The following LARS2 variants were observed in gnomAD, a reference collection of about 807,000 sequenced individuals.
The protein encoded by LARS2 is leucine--tRNA ligase, mitochondrial.
In LARS2, 81 loss-of-function variants were observed where a neutral mutation model predicts 116.6. The ratio of observed to expected loss-of-function variants is 0.69; its 90% CI spans 0.58 to 0.84. The LOEUF (loss-of-function observed/expected upper bound fraction) is 0.84. Ranked by LOEUF, LARS2 falls within the 40% of genes least tolerant of loss-of-function variation. The probability of loss-of-function intolerance (pLI) is 0.00; values close to 1 mark genes in which losing one functional copy is unlikely to be tolerated. For synonymous variants in LARS2, 396 were observed against 407.2 expected, an observed-to-expected ratio of 0.97 and a Z score of 0.33; for missense variants, 968 against 1,114.5, an observed-to-expected ratio of 0.87 and a Z score of 1.87.
intron 8 of LARS2, among the ~76,000 whole-genome samples, chr3:45,464,002 G>A (rs958625606): frequency 6.6e-5 from 10 of 152,278 alleles, no homozygotes; most frequent in African/African-American, 2.2e-4. Flanking sequence ...TAAGTAGGAT[G>A]AACTTCTGCT....
chr3:45,455,136 T>TTTTTTTTTTTTC, intron 7 of LARS2, among the ~76,000 whole-genome samples: 1 of 152,030 alleles, frequency 6.6e-6, no homozygotes. Flanking sequence ...TTTTTTTTTT[T>TTTTTTTTTTTTC]TTTGTCTTTC....
intron 6 of LARS2, among the ~76,000 whole-genome samples, chr3:45,446,179 G>A (rs974821028): frequency 3.3e-5 from 5 of 152,180 alleles, no homozygotes; most frequent in Non-Finnish European, 4.4e-5. Flanking sequence ...GAAAAGAAAC[G>A]TGACAGTATA....
chr3:45,528,075 G>A (rs1416885323), intron 20 of LARS2, among the ~76,000 whole-genome samples: 2 of 152,160 alleles, frequency 1.3e-5, no homozygotes, highest in East Asian at 1.9e-4. Context: ...AGTGGCTCAC[G>A]CTTGTAATCC....
At position 45,469,160 on chromosome 3, in the gene LARS2, A is replaced by C. The variant is rs146371633; in HGVS notation, c.751-5083A>C. Among the ~76,000 whole-genome samples, 479 of 152,330 alleles carry C rather than the reference A, an allele frequency of 3.1e-3. 1 individual carries two copies. The highest frequency in any genetic ancestry group is 0.011 in the African/African-American group (459 of 41,576). ...ATTGGAATTGAGATTCTTGGATAGC[A>C]CAGTGGTATTTGCAAATAAATGTTT... On this transcript the variant is annotated intron_variant, in intron 8 of 21. Transcript: ENST00000645846.
chr3:45,493,192 C>T (rs1052194819), intron 13 of LARS2, among the ~76,000 whole-genome samples: 6 of 152,072 alleles, frequency 3.9e-5, no homozygotes, highest in Non-Finnish European at 7.3e-5. Context: ...CTCCACCTCC[C>T]GCGTTCACAC....
At chr3:45,462,758 G>A (rs577578515) in intron 8 of LARS2, among the ~76,000 whole-genome samples, 1 of 152,302 alleles carries the variant, frequency 6.6e-6, no homozygotes, top group African/African-American at 2.4e-5. Context: ...TATGACTGTG[G>A]TCTTCTTGGG....
intron 7 of LARS2, among the ~76,000 whole-genome samples, chr3:45,451,548 T>C (rs551232757): frequency 4.6e-5 from 7 of 152,284 alleles, no homozygotes; most frequent in Admixed American, 4.6e-4. Flanking sequence ...CTCTGTTTCA[T>C]TTCATTGGTC....
At chr3:45,534,066 G>T (rs926934906) in intron 20 of LARS2, among the ~76,000 whole-genome samples, 2 of 152,220 alleles carry the variant, frequency 1.3e-5, no homozygotes, top group Non-Finnish European at 2.9e-5. Context: ...TGGACATTGT[G>T]TTCATTTCAG....
intron 10 of LARS2, among the ~76,000 whole-genome samples, chr3:45,483,660 A>G (rs1432776884): frequency 4.6e-5 from 7 of 152,158 alleles, no homozygotes; most frequent in Admixed American, 4.6e-4. Flanking sequence ...AAAAAAAAGA[A>G]AAGAAAAGAT....
intron 4 of LARS2, among the ~76,000 whole-genome samples, chr3:45,406,951 C>T (rs970599289): frequency 9.2e-5 from 14 of 152,112 alleles, no homozygotes; most frequent in Non-Finnish European, 1.8e-4. Flanking sequence ...TAAAATTCCC[C>T]ACCTCCCACC....
intron 10 of LARS2, among the ~76,000 whole-genome samples, chr3:45,485,296 C>G (rs1309117665): frequency 6.6e-6 from 1 of 152,180 alleles, no homozygotes; most frequent in Non-Finnish European, 1.5e-5. Context: ...TACTCCCTCT[C>G]CACTTCCATC....
At chr3:45,413,532 T>C (rs1698368139) in intron 4 of LARS2, among the ~76,000 whole-genome samples, 1 of 152,204 alleles carries the variant, frequency 6.6e-6, no homozygotes, top group Non-Finnish European at 1.5e-5. Flanking sequence ...CAGGCTCCAC[T>C]GATAGTAAAC....
At chr3:45,517,821 GT>G in intron 17 of LARS2, 81 bp from the exon 18 acceptor site, 2 of 1,155,660 alleles carry the variant, frequency 1.7e-6, no homozygotes, top group East Asian at 2.4e-5. Context: ...ATTCACAGGT[GT>G]TTTTCTCTGC....
intron 15 of LARS2, among the ~76,000 whole-genome samples, chr3:45,503,970 T>C (rs1342608394): frequency 1.3e-5 from 2 of 152,096 alleles, no homozygotes; most frequent in South Asian, 2.1e-4. Flanking sequence ...TGTGTTTTTA[T>C]TGATATAGTC....
At chr3:45,508,838 T>TC (rs1391129398) in intron 15 of LARS2, among the ~76,000 whole-genome samples, 4 of 151,778 alleles carry the variant, frequency 2.6e-5, no homozygotes, top group Non-Finnish European at 5.9e-5. Context: ...CTCCCTTCCT[T>TC]CCCTCCCTTC....
chr3:45,398,893 A>T (rs960542826), intron 3 of LARS2, among the ~76,000 whole-genome samples: 2 of 152,224 alleles, frequency 1.3e-5, no homozygotes, highest in African/African-American at 4.8e-5. Context: ...CCCCAGTAGG[A>T]GTTAATTCAA....
At position 45,457,416 on chromosome 3, in the gene LARS2, C is replaced by A. The variant is rs753991164; in HGVS notation, c.607-1327C>A. Among the ~76,000 whole-genome samples, 4 of 152,176 alleles carry A rather than the reference C, an allele frequency of 2.6e-5. No homozygotes were observed. In the South Asian group the frequency reaches 8.3e-4, roughly 32 times the overall value. Reference sequence around the variant, plus strand: ...TTTTACGGCTAGGCCTGGTGGCTCACGCCTGTAATCCCAATACTTTGGGAG... The same window carrying A: ...TTTTACGGCTAGGCCTGGTGGCTCAAGCCTGTAATCCCAATACTTTGGGAG... On this transcript the variant is annotated intron_variant, in intron 7 of 21. Transcript: ENST00000645846.
At chr3:45,505,734 A>G (rs1700192402) in intron 15 of LARS2, among the ~76,000 whole-genome samples, 1 of 152,050 alleles carries the variant, frequency 6.6e-6, no homozygotes, top group African/African-American at 2.4e-5. Flanking sequence ...AGGTCTGGAA[A>G]CAAAGACCAT....
chr3:45,431,083 G>A (rs751800494), intron 6 of LARS2, among the ~76,000 whole-genome samples: 3 of 152,200 alleles, frequency 2.0e-5, no homozygotes, highest in Non-Finnish European at 1.5e-5. Context: ...CCCTCCCGCC[G>A]AGTCCGTATC....
Sources: gnomAD v4.1 joint callset for allele counts (sites outside exome capture counted in the v4.1 genomes callset) on GRCh38, gnomAD v4.1.1 for gene constraint, MANE v1.5 for transcripts, NCBI Gene and HGNC (gene_info 2026-07-23, HGNC 2026-07-21) for gene names.